DGKA: variants seen among roughly 807,000 people sequenced by gnomAD.
DGKA encodes 80 kDa diacylglycerol kinase.
A neutral mutation model predicts 105.0 loss-of-function variants in DGKA; 35 were observed. The ratio of observed to expected loss-of-function variants is 0.33; its 90% CI spans 0.25 to 0.44. DGKA has a LOEUF of 0.44. DGKA is among the 20% of genes least tolerant of loss of function. The probability of loss-of-function intolerance (pLI) is 1.00; values close to 1 mark genes in which losing one functional copy is unlikely to be tolerated. For missense variants in DGKA, 665 were observed against 915.0 expected (o/e 0.73, Z 3.53); for synonymous variants, 296 against 332.0 (o/e 0.89, Z 1.18).
upstream of DGKA, chr12:55,927,450 T>C: frequency 1.4e-6 from 1 of 698,300 alleles, no homozygotes; most frequent in South Asian, 1.5e-5. Context: ...AAGGCCCACC[T>C]GCACCCAAAA....
intron 17 of DGKA, chr12:55,942,766 T>A: frequency 5.3e-6 from 1 of 189,750 alleles, no homozygotes. Context: ...GTTTGAGGGA[T>A]GGTATTGGTA....
rs1199402702 is a variant in DGKA, at chr12:55,940,895, A to G, written c.1018-2A>G. Reference sequence around the variant, plus strand: ...CTTCCCTCTACTTTCTTCCCCTCCCAGGCCTCTGGACCGGATCGTAAAAAT... The same window carrying G: ...CTTCCCTCTACTTTCTTCCCCTCCCGGGCCTCTGGACCGGATCGTAAAAAT... On this transcript the variant is annotated splice_acceptor_variant, in intron 12 of 23. Coordinates refer to ENST00000331886, the MANE Select transcript of DGKA (RefSeq NM_001345.5). LOFTEE classifies it high-confidence loss of function. This position sits in a 1 kb window ranked among gnomAD's most constrained non-coding sequence, Gnocchi z 4.3. 6.2e-7 allele frequency: 1 copy of G among 1,614,058 alleles called. No individual in the cohort carries two copies.
chr12:55,942,444 C>T (rs1886214226), intron 17 of DGKA, 181 bp downstream of exon 17: 1 of 602,068 alleles, frequency 1.7e-6, no homozygotes, highest in Admixed American at 2.9e-5. Context: ...GCAGGGACCA[C>T]AATCTGAACC....
chr12:55,930,955 T>G (rs1283831102), upstream of DGKA: 1 of 152,238 alleles, frequency 6.6e-6, no homozygotes, highest in African/African-American at 2.4e-5. Flanking sequence ...ATATATTATG[T>G]GTGTGTATGT....
intron 9 of DGKA, 197 bp downstream of exon 9, chr12:55,939,726 A>G: frequency 1.6e-6 from 1 of 622,240 alleles, no homozygotes; most frequent in South Asian, 2.0e-5. Flanking sequence ...GTGAGCATTA[A>G]AAAAGTTGGT....
intron 17 of DGKA, among the ~76,000 whole-genome samples, chr12:55,945,359 A>G (rs1886792600): frequency 6.6e-6 from 1 of 152,216 alleles, no homozygotes; most frequent in African/African-American, 2.4e-5. Flanking sequence ...GATCCTGGTA[A>G]ACACCCTATT....
intron 17 of DGKA, 117 bp from the exon 18 acceptor site, chr12:55,951,506 C>A: frequency 9.2e-7 from 1 of 1,086,996 alleles, no homozygotes; most frequent in Non-Finnish European, 1.3e-6. Flanking sequence ...CTGGCTAGGG[C>A]TGGGAGGCTC....
At chr12:55,935,363 C>G (rs1046457470) in intron 1 of DGKA, 5 of 152,222 alleles carry the variant, frequency 3.3e-5, no homozygotes, top group African/African-American at 1.2e-4. Context: ...CCAGATATGA[C>G]TGATCTAGTT....
chr12:55,938,261 G>T, intron 5 of DGKA: 1 of 663,174 alleles, frequency 1.5e-6, no homozygotes, highest in South Asian at 1.9e-5. Flanking sequence ...CATGTCTTGT[G>T]CATTCCCATG....
chr12:55,942,362 T>G (rs1408552894), intron 17 of DGKA, 99 bp downstream of exon 17: 5 of 1,173,580 alleles, frequency 4.3e-6, no homozygotes, highest in Non-Finnish European at 6.3e-6. Context: ...TGGAAAGGAT[T>G]GGGGAAGAAG....
chr12:55,941,861 T>C, intron 15 of DGKA, 137 bp from the exon 16 acceptor site: 1 of 952,552 alleles, frequency 1.0e-6, no homozygotes, highest in Non-Finnish European at 1.7e-6. Context: ...TCTGTGACCT[T>C]CATAGAAACT....
rs1188982330 is a variant in DGKA at position 55,952,359 on chromosome 12, G to A, written c.1671G>A (p.Trp557Ter). 1 of 1,614,106 alleles carries A rather than the reference G, an allele frequency of 6.2e-7. No homozygotes were observed. Among genetic ancestry groups the A allele is most frequent in the East Asian group, 2.2e-5 (1 of 44,882 alleles). Residue 557 changes from tryptophan to a stop codon, truncating the protein, a stop_gained, in exon 20 of 24, where the codon TGG (tryptophan) becomes TGA (stop). Transcript: ENST00000331886. LOFTEE classifies it high-confidence loss of function. The surrounding 1 kb of genome is among the most constrained non-coding windows in gnomAD (Gnocchi z 5.1). ...GACACAGAATGAAGAACAAGCTATGGTACTTCGAATTTGCCACATCTGAAT... is the reference window on the plus strand; with the variant it reads ...GACACAGAATGAAGAACAAGCTATGATACTTCGAATTTGCCACATCTGAAT... ...KFNSRMKNKL[W>*]YFEFATSESI...
At position 55,940,826 on chromosome 12, in the gene DGKA, A is replaced by C. The variant is rs747383376; in HGVS notation, c.1018-71A>C. 1 of 1,599,094 alleles carries C rather than the reference A, an allele frequency of 6.3e-7. No homozygotes were observed. The highest frequency in any genetic ancestry group is 1.1e-5 in the South Asian group (1 of 90,614). ...AGAGAGCTCATACTTTTAGGATTCA[A>C]GTCAGACCCCTCTATTTAGGGATTC... On this transcript the variant is annotated intron_variant, in intron 12 of 23. Transcript: ENST00000331886. The surrounding 1 kb of genome is among the most constrained non-coding windows in gnomAD (Gnocchi z 4.3).
intron 1 of DGKA, chr12:55,936,038 T>C: frequency 2.0e-6 from 2 of 994,430 alleles, no homozygotes; most frequent in Non-Finnish European, 2.4e-6. Context: ...GGGGAGAGTC[T>C]GCAGAGATTG....
At chr12:55,946,738 A>C (rs574162444) in intron 17 of DGKA, among the ~76,000 whole-genome samples, 123 of 152,348 alleles carry the variant, frequency 8.1e-4, no homozygotes, top group Non-Finnish European at 1.2e-3. Flanking sequence ...AAAAAGGAAT[A>C]GTCAAAGAGA....
At position 55,953,111 on chromosome 12, in the gene DGKA, C is replaced by T. The variant is rs61754168; in HGVS notation, c.2014C>T (p.Leu672Phe). ...AIEMGQIYTK[L>F]KNAGRRLAKC... ...TGAGATGGGCCAAATCTATACCAAGCTCAAGAATGCTGGACGTCGGCTGGC... is the reference window on the plus strand; with the variant it reads ...TGAGATGGGCCAAATCTATACCAAGTTCAAGAATGCTGGACGTCGGCTGGC... The change falls in exon 22 of 24, where the codon CTC becomes TTC. Residue 672 changes from leucine (L) to phenylalanine (F), a missense_variant. By Grantham distance (22) the Leu-to-Phe change is conservative (BLOSUM62 0). Around this residue, in one of 3 missense-constraint regions of DGKA, gnomAD observed 158 missense variants for 213.4 expected, o/e 0.74. Coordinates refer to ENST00000331886, the MANE Select transcript of DGKA (RefSeq NM_001345.5). The T allele has an allele frequency of 3.7e-5, 59 of 1,614,020 alleles. No individual in the cohort carries two copies. The highest frequency in any genetic ancestry group is 1.3e-5 in the African/African-American group (1 of 74,906).
intron 15 of DGKA, 71 bp from the exon 16 acceptor site, chr12:55,941,927 C>G (rs2136338584): frequency 6.7e-7 from 1 of 1,498,390 alleles, no homozygotes; most frequent in East Asian, 2.3e-5. Context: ...AAGAAGCAAT[C>G]TGCCTGCTCA....
rs1888663803 is a variant in DGKA, at chr12:55,953,859, C to T, written c.*91C>T. 1.8e-6 allele frequency: 2 copies of T among 1,119,590 alleles called. No individual in the cohort carries two copies. The allele number at this position is 1,119,590 out of a possible 1,614,324, so 69.4% of individuals were successfully genotyped here. On this transcript the variant is annotated 3_prime_UTR_variant, in exon 24 of 24. Coordinates refer to ENST00000331886, the MANE Select transcript of DGKA (RefSeq NM_001345.5). ...AGGCTCTGTACATTGCTGCCACATA[C>T]TCCTGCCAGCTTGGGGGAGTGTTCC...
At chr12:55,941,009 G>C (rs757774740) in intron 13 of DGKA, 29 bp downstream of exon 13, 13 of 1,607,352 alleles carry the variant, frequency 8.1e-6, no homozygotes, top group Non-Finnish European at 6.8e-6. Flanking sequence ...TGGGCTTCAT[G>C]ATGGGGGCAG....
Sources: allele counts gnomAD v4.1 joint callset (sites outside exome capture counted in the v4.1 genomes callset), GRCh38; gene constraint gnomAD v4.1.1; regional missense constraint gnomAD v4.1.1; non-coding constraint Gnocchi (gnomAD v3.1); transcripts MANE v1.5; gene names NCBI Gene and HGNC (gene_info 2026-07-23, HGNC 2026-07-21).